Variants in GREM2 observed in about 807,000 individuals in gnomAD.
GREM2 encodes the protein gremlin-2.
Under a neutral mutation model 14.2 loss-of-function variants are expected in GREM2, and 11 were observed. The observed-to-expected ratio is 0.78, with a 90% CI of 0.49 to 1.28. The LOEUF (loss-of-function observed/expected upper bound fraction) is 1.28, where lower values mean the gene tolerates loss of function less well. Ranked by LOEUF, GREM2 falls within the 50% of genes most tolerant of loss-of-function variation. GREM2 has a pLI of 0.00. For synonymous variants in GREM2, 98 were observed against 97.6 expected, an observed-to-expected ratio of 1.00 and a Z score of -0.02; for missense variants, 210 against 218.5, an observed-to-expected ratio of 0.96 and a Z score of 0.24.
intron 1 of GREM2, among the ~76,000 whole-genome samples, chr1:240,565,451 T>C (rs2103357058): frequency 6.6e-6 from 1 of 152,256 alleles, no homozygotes; most frequent in Middle Eastern, 3.4e-3. Context: ...GTAGGCTATG[T>C]TTTTATCAAC....
chr1:240,574,415 CTATT>C (rs746701013), intron 1 of GREM2, among the ~76,000 whole-genome samples: 75 of 152,158 alleles, frequency 4.9e-4, no homozygotes, highest in Admixed American at 8.5e-4. Context: ...ATGACCTCAC[CTATT>C]TATTTATGTG....
At chr1:240,536,174 A>G (rs1678465193) in intron 1 of GREM2, among the ~76,000 whole-genome samples, 1 of 152,236 alleles carries the variant, frequency 6.6e-6, no homozygotes, top group African/African-American at 2.4e-5. Flanking sequence ...GGCAGCTCCA[A>G]TGGAGATAAT....
At chr1:240,578,703 G>A (rs1474827581) in intron 1 of GREM2, among the ~76,000 whole-genome samples, 4 of 151,876 alleles carry the variant, frequency 2.6e-5, no homozygotes, top group Non-Finnish European at 4.4e-5. Flanking sequence ...AAATTCACTT[G>A]AACCTGGGAG....
Position 240,547,532 on chromosome 1 carries a change from T to TATATATAGACAGATAG in GREM2, c.-1-54057_-1-54056insCTATCTGTCTATATAT, listed in dbSNP as rs1187770486. Among the ~76,000 whole-genome samples, 224 of 121,788 alleles carry TATATATAGACAGATAG rather than the reference T, an allele frequency of 1.8e-3. 2 individuals carry two copies. Among genetic ancestry groups the TATATATAGACAGATAG allele is most frequent in the African/African-American group, 7.7e-3 (208 of 27,004 alleles). 79.9% of individuals were successfully genotyped at this position (121,788 alleles called of 152,430 possible). A position where few individuals can be genotyped will look rare whatever the true frequency, so the allele number is the denominator to read the frequency against. ...AAAAAAAAATATATATATATATATA[T>TATATATAGACAGATAG]ATAGATAGATAGATAGATAGATAGA... On this transcript the variant is annotated intron_variant, in intron 1 of 1. Transcript: ENST00000318160.
At chr1:240,581,372 G>T (rs1446644983) in intron 1 of GREM2, among the ~76,000 whole-genome samples, 1 of 152,038 alleles carries the variant, frequency 6.6e-6, no homozygotes, top group Non-Finnish European at 1.5e-5. Flanking sequence ...GTTACCATCT[G>T]CCAAAATCAA....
At chr1:240,496,528 T>C (rs1184221247) in intron 1 of GREM2, among the ~76,000 whole-genome samples, 8 of 152,246 alleles carry the variant, frequency 5.3e-5, no homozygotes, top group African/African-American at 1.9e-4. Context: ...CACCGTCTCC[T>C]CCTTCCCTGC....
At chr1:240,575,172 C>T (rs1679337619) in intron 1 of GREM2, among the ~76,000 whole-genome samples, 1 of 152,006 alleles carries the variant, frequency 6.6e-6, no homozygotes, top group Non-Finnish European at 1.5e-5. Flanking sequence ...TGCTACCCAG[C>T]TCCACAATCT....
At chr1:240,496,873 G>T (rs544849534) in intron 1 of GREM2, among the ~76,000 whole-genome samples, 3 of 152,122 alleles carry the variant, frequency 2.0e-5, no homozygotes, top group African/African-American at 7.2e-5. Context: ...TTAGCTGGGC[G>T]TGGTGGCACA....
At chr1:240,579,774 T>C (rs1679449079) in intron 1 of GREM2, among the ~76,000 whole-genome samples, 1 of 152,202 alleles carries the variant, frequency 6.6e-6, no homozygotes, top group African/African-American at 2.4e-5. Flanking sequence ...TGAAGTGTGA[T>C]GGATTTCAAC....
rs781740775 is a variant in GREM2, at chr1:240,493,370, C to G, written c.106G>C (p.Asp36His). The change falls in exon 2 of 2, where the codon GAC becomes CAC. Residue 36 changes from aspartate (D) to histidine (H), a missense_variant. Asp to His is a moderately conservative substitution (Grantham distance 81). Coordinates refer to ENST00000318160, the MANE Select transcript of GREM2 (RefSeq NM_022469.4). Reference sequence around the variant, plus strand: ...CTCTCCGAGTTGTTGCTGCTGCCGTCCTTGTAAGGCGAGGGGATGGCGCCC... The same window carrying G: ...CTCTCCGAGTTGTTGCTGCTGCCGTGCTTGTAAGGCGAGGGGATGGCGCCC... The part of the protein sequence containing the change: ...PAGAIPSPYK[D>H]GSSNNSERWQ... 8.7e-6 allele frequency: 14 copies of G among 1,613,808 alleles called. No individual in the cohort carries two copies. The highest frequency in any genetic ancestry group is 2.2e-5 in the South Asian group (2 of 91,076).
chr1:240,510,327 G>A (rs370164861), intron 1 of GREM2, among the ~76,000 whole-genome samples: 56 of 124,958 alleles, frequency 4.5e-4, no homozygotes, highest in African/African-American at 1.0e-3. Context: ...CAGAGATCGC[G>A]CCACTGCACT....
rs760376046 is a variant in GREM2, at chr1:240,492,957, C to A, written c.*12G>T. The A allele has an allele frequency of 2.0e-6, 3 of 1,504,396 alleles. No individual in the cohort carries two copies. Among genetic ancestry groups the A allele is most frequent in the Admixed American group, 2.2e-5 (1 of 45,864 alleles). 93.2% of individuals were successfully genotyped at this position (1,504,396 alleles called of 1,614,324 possible). A position where few individuals can be genotyped will look rare whatever the true frequency, so the allele number is the denominator to read the frequency against. On this transcript the variant is annotated 3_prime_UTR_variant, in exon 2 of 2. Transcript: ENST00000318160. The stretch of plus-strand genomic sequence containing the variant: ...GGGCGCGCGCGGGGCTGAGCTGCGT[C>A]CGGCCCGGCGCTCACTGCTTGTCCG...
intron 1 of GREM2, among the ~76,000 whole-genome samples, chr1:240,581,674 T>C (rs1679488097): frequency 6.6e-6 from 1 of 152,238 alleles, no homozygotes; most frequent in Non-Finnish European, 1.5e-5. Context: ...ATGAAATGTT[T>C]TATCTAAGAA....
Position 240,543,307 on chromosome 1 carries a change from A to T in GREM2, c.-1-49831T>A, listed in dbSNP as rs771653471. Reference sequence around the variant, plus strand: ...AGACATACCTGAAACTGTGTAATTTATAAAGAAAAGAGGTTTAATTTACTC... The same window carrying T: ...AGACATACCTGAAACTGTGTAATTTTTAAAGAAAAGAGGTTTAATTTACTC... On this transcript the variant is annotated intron_variant, in intron 1 of 1. Coordinates refer to ENST00000318160, the MANE Select transcript of GREM2 (RefSeq NM_022469.4). This position sits in a 1 kb window ranked among gnomAD's most constrained non-coding sequence, Gnocchi z 6.4. Among the ~76,000 whole-genome samples the T allele has an allele frequency of 2.6e-5, 4 of 152,218 alleles. No homozygotes were observed. Among genetic ancestry groups the T allele is most frequent in the African/African-American group, 7.2e-5 (3 of 41,452 alleles).
chr1:240,520,348 A>AG (rs1678056556), intron 1 of GREM2, among the ~76,000 whole-genome samples: 1 of 152,122 alleles, frequency 6.6e-6, no homozygotes, highest in African/African-American at 2.4e-5. Context: ...AGCAGAATGC[A>AG]GGGGGACAAA....
At chr1:240,527,663 A>C (rs1678253564) in intron 1 of GREM2, among the ~76,000 whole-genome samples, 1 of 152,196 alleles carries the variant, frequency 6.6e-6, no homozygotes, top group Non-Finnish European at 1.5e-5. Flanking sequence ...TCATTTATTC[A>C]ATGTGTATTA....
chr1:240,552,742 TA>T (rs1327604661), intron 1 of GREM2, among the ~76,000 whole-genome samples: 1 of 152,216 alleles, frequency 6.6e-6, no homozygotes, highest in East Asian at 1.9e-4. Context: ...TGCAGAATGA[TA>T]ATGTCCTTCT....
At chr1:240,496,693 C>G (rs1299555989) in intron 1 of GREM2, among the ~76,000 whole-genome samples, 2 of 152,140 alleles carry the variant, frequency 1.3e-5, no homozygotes, top group Admixed American at 1.3e-4. Context: ...CAGAACAGTG[C>G]CTGGTGTACA....
At chr1:240,530,069 C>T (rs532857216) in intron 1 of GREM2, among the ~76,000 whole-genome samples, 43 of 152,102 alleles carry the variant, frequency 2.8e-4, no homozygotes, top group South Asian at 2.7e-3. Context: ...ATTGGGCACC[C>T]GGTTTTTCAA....
Sources: gnomAD v4.1 joint callset for allele counts (sites outside exome capture counted in the v4.1 genomes callset) on GRCh38, gnomAD v4.1.1 for gene constraint, Gnocchi (gnomAD v3.1) non-coding constraint, MANE v1.5 for transcripts, NCBI Gene and HGNC (gene_info 2026-07-23, HGNC 2026-07-21) for gene names.